Variants in HIPK2 observed in about 807,000 individuals in gnomAD.
HIPK2 encodes the protein homeodomain-interacting protein kinase 2.
Under a neutral mutation model 113.7 loss-of-function variants are expected in HIPK2, and 27 were observed. That is an observed-to-expected ratio of 0.24 (90% confidence interval 0.17 to 0.33). The LOEUF (loss-of-function observed/expected upper bound fraction) is 0.33, where lower values mean the gene tolerates loss of function less well. HIPK2 is among the 10% of genes least tolerant of loss of function. The pLI, the probability that HIPK2 is intolerant of heterozygous loss-of-function variation, is 1.00. For missense variants in HIPK2, 1,257 were observed against 1,588.0 expected (o/e 0.79, Z 3.54); for synonymous variants, 631 against 642.2 (o/e 0.98, Z 0.26).
chr7:139,681,513 G>A (rs955057115), intron 2 of HIPK2, among the ~76,000 whole-genome samples: 2 of 152,156 alleles, frequency 1.3e-5, no homozygotes, highest in African/African-American at 4.8e-5. Flanking sequence ...ATCAGCGCCA[G>A]TGCTGCACTC....
chr7:139,694,714 T>C (rs1291748098), intron 2 of HIPK2, among the ~76,000 whole-genome samples: 4 of 152,018 alleles, frequency 2.6e-5, no homozygotes, highest in African/African-American at 9.7e-5. Flanking sequence ...AGTGTCTGCT[T>C]TGGTTTAGTG....
chr7:139,604,717 T>C (rs1476519233), intron 9 of HIPK2, among the ~76,000 whole-genome samples: 2 of 142,656 alleles, frequency 1.4e-5, no homozygotes, highest in African/African-American at 2.6e-5. Flanking sequence ...AAAGAACATA[T>C]ATGAACTAAG....
intron 2 of HIPK2, among the ~76,000 whole-genome samples, chr7:139,691,672 G>A (rs71543341): frequency 6.6e-5 from 10 of 152,238 alleles, no homozygotes; most frequent in African/African-American, 2.4e-4. Flanking sequence ...CTGGGATAAG[G>A]AGGTGAGCCT....
Position 139,631,680 on chromosome 7 carries a change from G to A in HIPK2, c.1149C>T (p.Asp383=). The change falls in exon 3 of 15, where the codon GAC becomes GAT. Residue 383 remains aspartate (D), a synonymous_variant. Transcript: ENST00000406875. The surrounding 1 kb of genome is among the most constrained non-coding windows in gnomAD (Gnocchi z 4.9). Reference sequence around the variant, plus strand: ...CAATAACACAGCCCAGGGACCACATGTCAATTGCCTCACAAAATGGTAAAC... The same window carrying A: ...CAATAACACAGCCCAGGGACCACATATCAATTGCCTCACAAAATGGTAAAC... ...ILGLPFCEAI[D]MWSLGCVIAE... 1.9e-6 allele frequency: 3 copies of A among 1,613,980 alleles called. No individual in the cohort carries two copies. The highest frequency in any genetic ancestry group is 2.5e-6 in the Non-Finnish European group (3 of 1,179,858).
At chr7:139,644,009 C>T (rs916411568) in intron 2 of HIPK2, among the ~76,000 whole-genome samples, 3 of 152,172 alleles carry the variant, frequency 2.0e-5, no homozygotes, top group African/African-American at 7.2e-5. Context: ...GTCACCAGGC[C>T]ACGCTTTATG....
chr7:139,761,930 G>T (rs949542819), intron 1 of HIPK2, among the ~76,000 whole-genome samples: 1 of 151,986 alleles, frequency 6.6e-6, no homozygotes, highest in African/African-American at 2.4e-5. Context: ...GGTCATTTCT[G>T]GACAGAGACA....
chr7:139,687,563 G>A (rs1226529669), intron 2 of HIPK2, among the ~76,000 whole-genome samples: 1 of 152,152 alleles, frequency 6.6e-6, no homozygotes, highest in Non-Finnish European at 1.5e-5. Flanking sequence ...AAGAATTTTG[G>A]TTTTAATTTT....
At chr7:139,608,065 C>T (rs943959809) in intron 9 of HIPK2, among the ~76,000 whole-genome samples, 2 of 151,798 alleles carry the variant, frequency 1.3e-5, no homozygotes, top group Non-Finnish European at 2.9e-5. Flanking sequence ...ACATTGAAAC[C>T]TAGTCTCTAC....
intron 9 of HIPK2, among the ~76,000 whole-genome samples, chr7:139,606,508 A>C (rs527857560): frequency 1.3e-5 from 2 of 152,342 alleles, no homozygotes; most frequent in Admixed American, 1.3e-4. Context: ...ACCATGAATA[A>C]AATTTTAGAA....
intron 2 of HIPK2, among the ~76,000 whole-genome samples, chr7:139,674,837 C>G (rs535809976): frequency 2.0e-5 from 3 of 152,122 alleles, no homozygotes; most frequent in Non-Finnish European, 2.9e-5. Flanking sequence ...GTAGCGCTTA[C>G]GATGAAGATG....
chr7:139,667,514 C>A (rs1369103565), intron 2 of HIPK2, among the ~76,000 whole-genome samples: 1 of 151,990 alleles, frequency 6.6e-6, no homozygotes, highest in African/African-American at 2.4e-5. Flanking sequence ...TTTGATCTAC[C>A]CTTTGTGACA....
intron 2 of HIPK2, among the ~76,000 whole-genome samples, chr7:139,709,090 T>C (rs1317471795): frequency 6.6e-6 from 1 of 152,212 alleles, no homozygotes; most frequent in Non-Finnish European, 1.5e-5. Context: ...TAAGGGAAAC[T>C]TGAAGATAAC....
At chr7:139,664,567 T>G (rs1801980449) in intron 2 of HIPK2, among the ~76,000 whole-genome samples, 1 of 151,612 alleles carries the variant, frequency 6.6e-6, no homozygotes, top group East Asian at 1.9e-4. Context: ...ATTTTTCTCC[T>G]GCAAACCCTT....
Position 139,613,317 on chromosome 7 carries a change from T to C in HIPK2, c.1997A>G (p.Gln666Arg), listed in dbSNP as rs1229253020. 1.9e-6 allele frequency: 3 copies of C among 1,613,236 alleles called. No individual in the cohort carries two copies. The East Asian group carries it at 6.7e-5, about 36-fold the overall frequency. The change falls in exon 9 of 15, where the codon CAG (glutamine) becomes CGG (arginine). Residue 666 changes from glutamine to arginine, a missense_variant. By Grantham distance (43) the Gln-to-Arg change is conservative. Transcript: ENST00000406875. This position sits in a 1 kb window ranked among gnomAD's most constrained non-coding sequence, Gnocchi z 4.2. Reference sequence around the variant, plus strand: ...GCCAGCGTGCTTAGAGGGAGAGGCCTGCAAGCCTGTTCCAGACAGTGTGAG... The same window carrying C: ...GCCAGCGTGCTTAGAGGGAGAGGCCCGCAAGCCTGTTCCAGACAGTGTGAG... ...IVCPPGFQGLQASPSKHAGYS... is the reference protein window; with the variant it reads ...IVCPPGFQGLRASPSKHAGYS...
chr7:139,754,874 G>A (rs1326736581), intron 1 of HIPK2, among the ~76,000 whole-genome samples: 1 of 152,144 alleles, frequency 6.6e-6, no homozygotes, highest in Non-Finnish European at 1.5e-5. Flanking sequence ...AGGTGATACG[G>A]CTTCTTGGAG....
Position 139,683,130 on chromosome 7 carries a change from A to G in HIPK2, c.1103+32802T>C, listed in dbSNP as rs566348517. On this transcript the variant is annotated intron_variant, in intron 2 of 14. Transcript: ENST00000406875. This position sits in a 1 kb window ranked among gnomAD's most constrained non-coding sequence, Gnocchi z 4.2. ...ATGAACAAAACCTTGCTGTTTGTAC[A>G]ATATTTAGCATTACCTGGAAGGGCC... Among the ~76,000 whole-genome samples the G allele has an allele frequency of 1.8e-4, 27 of 152,316 alleles. No homozygotes were observed. The highest frequency in any genetic ancestry group is 3.2e-4 in the Non-Finnish European group (22 of 68,030).
rs764180061 is a variant in HIPK2, at chr7:139,715,978, C to T, written c.1057G>A (p.Val353Ile). Residue 353 changes from valine (V) to isoleucine (I), a missense_variant, in exon 2 of 15, where the codon GTC becomes ATC. By Grantham distance (29) the Val-to-Ile change is conservative (BLOSUM62 3). Transcript: ENST00000406875. ...TAGGTGGAGCACACAGCCTTGGAGACGTGGCTGGCTGAACCAAAGTCGATG... is the reference window on the plus strand; with the variant it reads ...TAGGTGGAGCACACAGCCTTGGAGATGTGGCTGGCTGAACCAAAGTCGATG... The part of the protein sequence containing the change: ...KVIDFGSASH[V>I]SKAVCSTYLQ... 14 of 1,614,102 alleles carry T rather than the reference C, an allele frequency of 8.7e-6. No homozygotes were observed. Among genetic ancestry groups the T allele is most frequent in the Admixed American group, 6.7e-5 (4 of 60,014 alleles).
At position 139,631,860 on chromosome 7, in the gene HIPK2, C is replaced by A; in HGVS notation, c.1104-135G>T. On this transcript the variant is annotated intron_variant, in intron 2 of 14. Coordinates refer to ENST00000406875, the MANE Select transcript of HIPK2 (RefSeq NM_022740.5). This position sits in a 1 kb window ranked among gnomAD's most constrained non-coding sequence, Gnocchi z 4.9. ...AAGGGCCTGTGGCTCTCAGGAGAGG[C>A]GCTGTGCTACAACAATCCTTCCATT... is the stretch of plus-strand genomic sequence containing the variant. 9.2e-7 allele frequency: 1 copy of A among 1,092,530 alleles called. No individual in the cohort carries two copies. Among genetic ancestry groups the A allele is most frequent in the Non-Finnish European group, 1.3e-6 (1 of 785,704 alleles). 67.7% of individuals were successfully genotyped at this position (1,092,530 alleles called of 1,614,324 possible). A position where few individuals can be genotyped will look rare whatever the true frequency, so the allele number is the denominator to read the frequency against.
rs1794605366 is a variant in HIPK2 at position 139,697,824 on chromosome 7, C to T, written c.1103+18108G>A. ...CTATTAAGAATTTATCCTATTATCC[C>T]CTCCTCCCAGCCACCAATATGCATT... On this transcript the variant is annotated intron_variant, in intron 2 of 14. Coordinates refer to ENST00000406875, the MANE Select transcript of HIPK2 (RefSeq NM_022740.5). 2.0e-5 allele frequency among the ~76,000 whole-genome samples: 3 copies of T among 152,058 alleles called. No individual in the cohort carries two copies. The South Asian group carries it at 6.2e-4, about 32-fold the overall frequency.
Sources: gnomAD v4.1 joint callset for allele counts (sites outside exome capture counted in the v4.1 genomes callset) on GRCh38, gnomAD v4.1.1 for gene constraint, Gnocchi (gnomAD v3.1) non-coding constraint, MANE v1.5 for transcripts, NCBI Gene and HGNC (gene_info 2026-07-23, HGNC 2026-07-21) for gene names.